Variants in THRB observed in about 807,000 individuals in gnomAD.
THRB encodes nuclear receptor subfamily 1 group A member 2.
A neutral mutation model predicts 47.8 loss-of-function variants in THRB; 12 were observed. That is an observed-to-expected ratio of 0.25 (90% CI 0.16 to 0.41). THRB has a LOEUF of 0.41. Among genes scored for constraint, THRB ranks in the 10% least tolerant of loss-of-function variants. The pLI, the probability that THRB is intolerant of heterozygous loss-of-function variation, is 1.00. For synonymous variants in THRB, 218 were observed against 212.2 expected (o/e 1.03, Z -0.24); for missense variants, 348 against 589.2 (o/e 0.59, Z 4.24).
intron 1 of THRB, among the ~76,000 whole-genome samples, chr3:24,396,790 T>C (rs978626740): frequency 2.0e-5 from 3 of 152,134 alleles, no homozygotes; most frequent in Non-Finnish European, 4.4e-5. Context: ...TCACTTTGGT[T>C]CTTTTCGTTT....
chr3:24,224,087 A>C (rs2047416560), intron 4 of THRB, among the ~76,000 whole-genome samples: 1 of 152,210 alleles, frequency 6.6e-6, no homozygotes, highest in Admixed American at 6.5e-5. Context: ...TTGGTCCAAT[A>C]ATCTGGCTAA....
chr3:24,133,165 A>T, intron 9 of THRB, 151 bp downstream of exon 9: 3 of 791,124 alleles, frequency 3.8e-6, no homozygotes. Flanking sequence ...AATCCAAATG[A>T]AATAGAATGC....
chr3:24,184,333 C>T (rs911387107), intron 5 of THRB, among the ~76,000 whole-genome samples: 1 of 152,082 alleles, frequency 6.6e-6, no homozygotes, highest in Non-Finnish European at 1.5e-5. Flanking sequence ...TTCCCTGGGA[C>T]AGAGTATGAT....
chr3:24,323,741 G>C (rs2058638303), intron 2 of THRB, among the ~76,000 whole-genome samples: 2 of 152,202 alleles, frequency 1.3e-5, no homozygotes, highest in South Asian at 2.1e-4. Context: ...ACCAGTTGTA[G>C]AAATTTATCT....
At chr3:24,409,433 A>C (rs935303973) in intron 1 of THRB, among the ~76,000 whole-genome samples, 12 of 151,832 alleles carry the variant, frequency 7.9e-5, no homozygotes, top group Non-Finnish European at 1.3e-4. Flanking sequence ...ATAGCAGTTA[A>C]GAATATGGGC....
chr3:24,391,547 G>A (rs1206385955), intron 1 of THRB, among the ~76,000 whole-genome samples: 1 of 152,068 alleles, frequency 6.6e-6, no homozygotes, highest in African/African-American at 2.4e-5. Context: ...TTTAAACAAT[G>A]GTAAATGTTG....
intron 1 of THRB, among the ~76,000 whole-genome samples, chr3:24,453,711 T>A (rs1055802610): frequency 6.6e-6 from 1 of 152,210 alleles, no homozygotes; most frequent in African/African-American, 2.4e-5. Context: ...CTCCTTAATG[T>A]GGTCTCTAAG....
At chr3:24,247,796 T>C (rs911748245) in intron 3 of THRB, among the ~76,000 whole-genome samples, 2 of 152,144 alleles carry the variant, frequency 1.3e-5, no homozygotes, top group Admixed American at 6.6e-5. Flanking sequence ...TTCAATCTTT[T>C]CTGAATGAAA....
At chr3:24,161,198 A>G (rs1315439034) in intron 5 of THRB, among the ~76,000 whole-genome samples, 6 of 152,192 alleles carry the variant, frequency 3.9e-5, no homozygotes, top group Admixed American at 3.9e-4. Context: ...TGTTTTCTGG[A>G]GTGGTGTTTT....
chr3:24,344,748 A>G (rs1263971167), intron 1 of THRB, among the ~76,000 whole-genome samples: 2 of 152,106 alleles, frequency 1.3e-5, no homozygotes, highest in Non-Finnish European at 2.9e-5. Context: ...CTCCTGTGAT[A>G]CACTTGGATA....
At position 24,229,470 on chromosome 3, in the gene THRB, G is replaced by A. The variant is rs901165791; in HGVS notation, c.-42-469C>T. Among the ~76,000 whole-genome samples, 4 of 152,294 alleles carry A rather than the reference G, an allele frequency of 2.6e-5. No individual in the cohort carries two copies. The East Asian group carries it at 7.7e-4, about 29-fold the overall frequency. ...TGGACAAGACCCCCAGGTGATTCAT[G>A]TGCACTTTCAAGTCATAGACACACT... is the stretch of plus-strand genomic sequence containing the variant. On this transcript the variant is annotated intron_variant, in intron 3 of 10. Transcript: ENST00000646209.
rs547133206 is a variant in THRB, at chr3:24,337,389, C to T, written c.-260-18G>A. On this transcript the variant is annotated intron_variant, in intron 1 of 10. Transcript: ENST00000646209. ...TCGCAGATCTGGAAAAAAGGAAACA[C>T]AGAAGATAAATATAATTTGTTGTTT... 6.6e-6 allele frequency: 1 copy of T among 152,308 alleles called. No homozygotes were observed. The highest frequency in any genetic ancestry group is 1.9e-4 in the East Asian group (1 of 5,182). 9.4% of individuals were successfully genotyped at this position (152,308 alleles called of 1,614,324 possible).
chr3:24,223,019 A>G (rs1374313126), intron 4 of THRB, among the ~76,000 whole-genome samples: 1 of 152,168 alleles, frequency 6.6e-6, no homozygotes, highest in Non-Finnish European at 1.5e-5. Context: ...TCCCAGCTCT[A>G]TGGCACTGTG....
At chr3:24,394,416 C>T (rs2066799357) in intron 1 of THRB, among the ~76,000 whole-genome samples, 1 of 152,068 alleles carries the variant, frequency 6.6e-6, no homozygotes, top group Admixed American at 6.6e-5. Flanking sequence ...CATCTGGTGG[C>T]CTGGCTGATG....
intron 9 of THRB, among the ~76,000 whole-genome samples, chr3:24,128,502 C>T (rs1175546775): frequency 2.0e-5 from 3 of 152,002 alleles, no homozygotes; most frequent in Non-Finnish European, 2.9e-5. Flanking sequence ...AATGTGGCAA[C>T]GTTAATAATA....
intron 2 of THRB, among the ~76,000 whole-genome samples, chr3:24,314,970 TC>T (rs1319008252): frequency 6.6e-6 from 1 of 152,222 alleles, no homozygotes; most frequent in African/African-American, 2.4e-5. Context: ...ATAATCTATA[TC>T]GATGTATTAC....
At chr3:24,255,956 G>T (rs1474406082) in intron 3 of THRB, among the ~76,000 whole-genome samples, 1 of 152,194 alleles carries the variant, frequency 6.6e-6, no homozygotes, top group Non-Finnish European at 1.5e-5. Context: ...GTAACTGAAG[G>T]TGTCAACATG....
At chr3:24,444,099 T>C (rs1208902556) in intron 1 of THRB, among the ~76,000 whole-genome samples, 2 of 152,098 alleles carry the variant, frequency 1.3e-5, no homozygotes, top group African/African-American at 2.4e-5. Context: ...AAAAAATCTA[T>C]CATCAAATAA....
chr3:24,335,599 C>T (rs142300254), intron 2 of THRB, among the ~76,000 whole-genome samples: 51 of 152,262 alleles, frequency 3.3e-4, no homozygotes, highest in African/African-American at 1.2e-3. Context: ...AGGTAGCCCA[C>T]GGTTCTATAA....
Sources: gnomAD v4.1 joint callset for allele counts (sites outside exome capture counted in the v4.1 genomes callset) on GRCh38, gnomAD v4.1.1 for gene constraint, MANE v1.5 for transcripts, NCBI Gene and HGNC (gene_info 2026-07-23, HGNC 2026-07-21) for gene names.